The following PCDH17 variants were observed in gnomAD, a reference collection of about 807,000 sequenced individuals.
PCDH17 encodes protocadherin 17.
Under a neutral mutation model 67.7 loss-of-function variants are expected in PCDH17, and 21 were observed. That is an observed-to-expected ratio of 0.31 (90% confidence interval 0.22 to 0.45). The LOEUF is 0.45. PCDH17 is among the 20% of genes least tolerant of loss of function. The probability of loss-of-function intolerance (pLI) is 1.00; values close to 1 mark genes in which losing one functional copy is unlikely to be tolerated. For missense variants in PCDH17, 1,471 were observed against 1,564.8 expected (o/e 0.94, Z 1.01); for synonymous variants, 701 against 656.7 (o/e 1.07, Z -1.03).
intron 3 of PCDH17, among the ~76,000 whole-genome samples, chr13:57,699,447 C>T (rs1210544963): frequency 1.3e-5 from 2 of 151,982 alleles, no homozygotes; most frequent in East Asian, 1.9e-4. Context: ...TTGCACATTA[C>T]GTTTCTCTCT....
At chr13:57,718,611 A>G (rs1442044182) in intron 3 of PCDH17, among the ~76,000 whole-genome samples, 4 of 152,054 alleles carry the variant, frequency 2.6e-5, no homozygotes, top group East Asian at 1.9e-4. Flanking sequence ...AATAATCAAC[A>G]TAGCCAAAAA....
intron 3 of PCDH17, among the ~76,000 whole-genome samples, chr13:57,718,982 A>G (rs946545844): frequency 1.3e-5 from 2 of 152,036 alleles, no homozygotes; most frequent in African/African-American, 4.8e-5. Flanking sequence ...AGACAGATAA[A>G]GAATTTGTGA....
intron 3 of PCDH17, among the ~76,000 whole-genome samples, chr13:57,718,223 T>C (rs900941354): frequency 1.1e-4 from 17 of 151,836 alleles, no homozygotes; most frequent in African/African-American, 3.9e-4. Context: ...CTTCCCTGCA[T>C]AAAGGATAAA....
intron 3 of PCDH17, among the ~76,000 whole-genome samples, chr13:57,714,952 TA>T (rs1249388695): frequency 2.6e-5 from 4 of 151,744 alleles, no homozygotes; most frequent in African/African-American, 7.2e-5. Flanking sequence ...AATTTAAAAT[TA>T]TAAAGAGGTG....
At chr13:57,675,935 G>A (rs1167946074) in intron 3 of PCDH17, among the ~76,000 whole-genome samples, 3 of 151,878 alleles carry the variant, frequency 2.0e-5, no homozygotes. Flanking sequence ...TAGGAGGAAT[G>A]AACAAAGTAA....
intron 1 of PCDH17, among the ~76,000 whole-genome samples, chr13:57,641,316 C>T (rs1954890062): frequency 1.3e-5 from 2 of 151,136 alleles, no homozygotes; most frequent in South Asian, 4.2e-4. Flanking sequence ...ATAAAGAAGT[C>T]CTTAATGACA....
chr13:57,667,923 G>A (rs924830179), intron 3 of PCDH17, among the ~76,000 whole-genome samples: 8 of 148,348 alleles, frequency 5.4e-5, no homozygotes, highest in Non-Finnish European at 8.9e-5. Flanking sequence ...TATATATTCA[G>A]TTTAAATATA....
chr13:57,702,868 A>G (rs186334299), intron 3 of PCDH17, among the ~76,000 whole-genome samples: 15 of 152,258 alleles, frequency 9.9e-5, no homozygotes, highest in Non-Finnish European at 2.1e-4. Context: ...AAAATTAGCT[A>G]TTAGAAGGAG....
Position 57,725,356 on chromosome 13 carries a change from C to T in PCDH17, c.*62C>T. ...CTCTTCTGTTGATTTAAAAATGATC[C>T]CTCCTGGTGATAACCCATTTTACAG... On this transcript the variant is annotated 3_prime_UTR_variant, in exon 4 of 4. Coordinates refer to ENST00000377918, the MANE Select transcript of PCDH17 (RefSeq NM_001040429.3). 7.0e-7 allele frequency: 1 copy of T among 1,438,568 alleles called. No homozygotes were observed. Among genetic ancestry groups the T allele is most frequent in the Non-Finnish European group, 9.4e-7 (1 of 1,060,848 alleles). The allele number at this position is 1,438,568 out of a possible 1,614,324, so 89.1% of individuals were successfully genotyped here.
chr13:57,636,479 A>C (rs568957676), intron 1 of PCDH17, among the ~76,000 whole-genome samples: 1 of 152,272 alleles, frequency 6.6e-6, no homozygotes, highest in African/African-American at 2.4e-5. Flanking sequence ...AGCAAAATAT[A>C]TTTTCCTATA....
rs1310115959 is a variant in PCDH17 at position 57,633,021 on chromosome 13, C to T, written c.475C>T (p.Pro159Ser). ...CTTCCCCCTCACCAGCGCACATGACCCCGACGCCGGCGAGAATGGGCTCCG... is the reference window on the plus strand; with the variant it reads ...CTTCCCCCTCACCAGCGCACATGACTCCGACGCCGGCGAGAATGGGCTCCG... Reference protein sequence around the residue: ...TRFPLTSAHDPDAGENGLRTY... With the variant: ...TRFPLTSAHDSDAGENGLRTY... The change falls in exon 1 of 4, where the codon CCC (proline) becomes TCC (serine). Residue 159 changes from proline (P) to serine (S), a missense_variant. Coordinates refer to ENST00000377918, the MANE Select transcript of PCDH17 (RefSeq NM_001040429.3). This position sits in a 1 kb window ranked among gnomAD's most constrained non-coding sequence, Gnocchi z 6.2. 1.9e-6 allele frequency: 3 copies of T among 1,612,804 alleles called. No homozygotes were observed. In the East Asian group the frequency reaches 6.7e-5, roughly 36 times the overall value.
intron 1 of PCDH17, among the ~76,000 whole-genome samples, chr13:57,664,343 A>T (rs1487807582): frequency 6.6e-6 from 1 of 152,170 alleles, no homozygotes; most frequent in East Asian, 1.9e-4. Flanking sequence ...ATGCATAAAT[A>T]CATGTGTGTG....
chr13:57,641,604 A>ATG (rs1954905085), intron 1 of PCDH17, among the ~76,000 whole-genome samples: 2 of 125,326 alleles, frequency 1.6e-5, no homozygotes, highest in Non-Finnish European at 3.4e-5. Context: ...ATATATATAT[A>ATG]TATATATATA....
rs548843023 is a variant in PCDH17 at position 57,717,241 on chromosome 13, C to G, written c.2798-7371C>G. Among the ~76,000 whole-genome samples, 3 of 152,024 alleles carry G rather than the reference C, an allele frequency of 2.0e-5. No homozygotes were observed. In the South Asian group the frequency reaches 6.2e-4, roughly 32 times the overall value. On this transcript the variant is annotated intron_variant, in intron 3 of 3. Transcript: ENST00000377918. ...CAGATTAAATTTTCAGTGTTGATCT[C>G]AGTGGCATGCCATGGGACACAAATG...
Position 57,632,767 on chromosome 13 carries a change from T to C in PCDH17, c.221T>C (p.Leu74Pro). The change falls in exon 1 of 4, where the codon CTG (leucine) becomes CCG (proline). Residue 74 changes from leucine (L) to proline (P), a missense_variant. Around this residue, in one of 3 missense-constraint regions of PCDH17, gnomAD observed 1,163 missense variants for 1,230.0 expected, o/e 0.95. Coordinates refer to ENST00000377918, the MANE Select transcript of PCDH17 (RefSeq NM_001040429.3). ...GTGCTGGAGAACTCCGCACCGCACC[T>C]GCTGGACGTGGACGCAGACAGCGGG... ...YRVLENSAPHLLDVDADSGLL... is the reference protein window; with the variant it reads ...YRVLENSAPHPLDVDADSGLL... The C allele has an allele frequency of 1.9e-6, 3 of 1,612,954 alleles. No homozygotes were observed. Among genetic ancestry groups the C allele is most frequent in the Non-Finnish European group, 2.5e-6 (3 of 1,179,950 alleles).
intron 1 of PCDH17, among the ~76,000 whole-genome samples, chr13:57,662,972 G>A (rs962969805): frequency 2.0e-5 from 3 of 152,012 alleles, no homozygotes; most frequent in African/African-American, 7.2e-5. Context: ...AAAAAGATAG[G>A]AGAGTACATT....
At chr13:57,637,437 C>A (rs1337013396) in intron 1 of PCDH17, among the ~76,000 whole-genome samples, 1 of 143,544 alleles carries the variant, frequency 7.0e-6, no homozygotes, top group Non-Finnish European at 1.5e-5. Context: ...CAGGGACAGT[C>A]TTTTTTTTTT....
At chr13:57,683,515 G>A (rs1955477954) in intron 3 of PCDH17, among the ~76,000 whole-genome samples, 1 of 151,728 alleles carries the variant, frequency 6.6e-6, no homozygotes, top group Non-Finnish European at 1.5e-5. Flanking sequence ...AAAAACTTAG[G>A]TTAGGTTTTG....
chr13:57,677,853 C>T (rs9569725), intron 3 of PCDH17, among the ~76,000 whole-genome samples: 47,345 of 151,538 alleles, frequency 0.31, 7,965 homozygotes, highest in East Asian at 0.54. Flanking sequence ...AAATACTGAT[C>T]TCATAGAAGT....
Sources: allele counts gnomAD v4.1 joint callset (sites outside exome capture counted in the v4.1 genomes callset), GRCh38; gene constraint gnomAD v4.1.1; regional missense constraint gnomAD v4.1.1; non-coding constraint Gnocchi (gnomAD v3.1); transcripts MANE v1.5; gene names NCBI Gene and HGNC (gene_info 2026-07-23, HGNC 2026-07-21).